The following PRKD2 variants were observed in gnomAD, a reference collection of about 807,000 sequenced individuals.
The protein encoded by PRKD2 is serine/threonine-protein kinase D2.
A neutral mutation model predicts 86.0 loss-of-function variants in PRKD2; 22 were observed. The ratio of observed to expected loss-of-function variants is 0.26; its 90% confidence interval spans 0.18 to 0.37. The LOEUF is 0.37. PRKD2 is among the 10% of genes least tolerant of loss of function. The probability of loss-of-function intolerance (pLI) is 1.00; values close to 1 mark genes in which losing one functional copy is unlikely to be tolerated. For missense variants in PRKD2, 818 were observed against 1,199.2 expected, an observed-to-expected ratio of 0.68 and a Z score of 4.70; for synonymous variants, 509 against 510.9, an observed-to-expected ratio of 1.00 and a Z score of 0.05.
intron 9 of PRKD2, among the ~76,000 whole-genome samples, chr19:46,695,809 G>A (rs1285416335): frequency 1.3e-5 from 2 of 152,038 alleles, no homozygotes; most frequent in Non-Finnish European, 2.9e-5. Flanking sequence ...GACACGTCGG[G>A]GGGGCATGGT....
rs761841448 is a variant in PRKD2 at position 46,678,577 on chromosome 19, T to G, written c.2157A>C (p.Ala719=). 2 of 1,614,072 alleles carry G rather than the reference T, an allele frequency of 1.2e-6. No homozygotes were observed. The highest frequency in any genetic ancestry group is 2.2e-5 in the South Asian group (2 of 91,084). ...AGCCCTGGTTGAGCAGCACCTCGGG[T>G]GCCAGGTAGGCCGGCGTGCCCACCA... is the stretch of plus-strand genomic sequence containing the variant. ...RSVVGTPAYL[A]PEVLLNQGYN... Residue 719 remains alanine, a synonymous_variant, in exon 16 of 18, where the codon GCA becomes GCC. Transcript: ENST00000291281. This position sits in a 1 kb window ranked among gnomAD's most constrained non-coding sequence, Gnocchi z 5.7.
At position 46,682,495 on chromosome 19, in the gene PRKD2, C is replaced by T. The variant is rs146576253; in HGVS notation, c.1972-747G>A. ...TTCCTACACACCCCTGCAGACACCC[C>T]AGCCAGGGAAACAGGAGGCACTGGA... On this transcript the variant is annotated intron_variant, in intron 14 of 17. Coordinates refer to ENST00000291281, the MANE Select transcript of PRKD2 (RefSeq NM_016457.5). 3.8e-3 allele frequency among the ~76,000 whole-genome samples: 577 copies of T among 152,186 alleles called. 4 individuals carry two copies. Among genetic ancestry groups the T allele is most frequent in the African/African-American group, 0.012 (516 of 41,526 alleles).
At position 46,697,220 on chromosome 19, in the gene PRKD2, A is replaced by G. The variant is rs781156292; in HGVS notation, c.1254T>C (p.Tyr418=). ...SNKDTLRKRH[Y]WRLDCKCITL... ...TGATACACTTGCAGTCCAGGCGCCAATAGTGCCGCTTTCTCTGCAGAGATG... is the reference window on the plus strand; with the variant it reads ...TGATACACTTGCAGTCCAGGCGCCAGTAGTGCCGCTTTCTCTGCAGAGATG... The change falls in exon 9 of 18, where the codon TAT becomes TAC. Residue 418 remains tyrosine (Y), a synonymous_variant. Coordinates refer to ENST00000291281, the MANE Select transcript of PRKD2 (RefSeq NM_016457.5). 8.8e-6 allele frequency: 14 copies of G among 1,593,446 alleles called. No homozygotes were observed. Among genetic ancestry groups the G allele is most frequent in the Admixed American group, 6.7e-5 (4 of 59,874 alleles).
intron 14 of PRKD2, among the ~76,000 whole-genome samples, chr19:46,686,419 C>G (rs1016821792): frequency 6.7e-6 from 1 of 148,582 alleles, no homozygotes; most frequent in African/African-American, 2.5e-5. Flanking sequence ...GAGGATCGCT[C>G]GAGCCCAGGA....
intron 7 of PRKD2, among the ~76,000 whole-genome samples, chr19:46,698,221 G>C (rs531128179): frequency 6.6e-6 from 1 of 152,112 alleles, no homozygotes; most frequent in East Asian, 1.9e-4. Flanking sequence ...CACCATGTTG[G>C]CCAGGCTGGT....
chr19:46,681,839 C>CTTTT (rs551472575), intron 14 of PRKD2, 91 bp from the exon 15 acceptor site: 15 of 486,112 alleles, frequency 3.1e-5, no homozygotes, highest in African/African-American at 8.7e-5. Context: ...CCCATCCATA[C>CTTTT]TTTTTTTTTT....
intron 12 of PRKD2, 74 bp downstream of exon 12, chr19:46,691,660 GA>G: frequency 6.8e-7 from 1 of 1,467,098 alleles, no homozygotes; most frequent in Non-Finnish European, 9.5e-7. Flanking sequence ...GTTGGAGCCA[GA>G]AAGAAAGGGC....
chr19:46,692,067 A>G, intron 10 of PRKD2, 82 bp from the exon 11 acceptor site: 1 of 1,379,226 alleles, frequency 7.3e-7, no homozygotes, highest in Non-Finnish European at 1.0e-6. Flanking sequence ...CAGACTTGGG[A>G]GTCAGGCCAC....
At chr19:46,714,072 C>G in intron 1 of PRKD2, 71 bp from the exon 2 acceptor site, 1 of 1,552,854 alleles carries the variant, frequency 6.4e-7, no homozygotes. Flanking sequence ...GGACTGTGAC[C>G]CTCCCAGGGC....
Position 46,678,442 on chromosome 19 carries a change from G to A in PRKD2, c.2292C>T (p.Ala764=), listed in dbSNP as rs753891237. 1.6e-4 allele frequency: 263 copies of A among 1,614,052 alleles called. No individual in the cohort carries two copies. The highest frequency in any genetic ancestry group is 1.4e-4 in the Non-Finnish European group (164 of 1,180,048). Residue 764 remains alanine, a synonymous_variant, in exon 16 of 18, where the codon GCC becomes GCT. Coordinates refer to ENST00000291281, the MANE Select transcript of PRKD2 (RefSeq NM_016457.5). This position sits in a 1 kb window ranked among gnomAD's most constrained non-coding sequence, Gnocchi z 5.7. ...DEDINDQIQN[A]AFMYPASPWS... The stretch of plus-strand genomic sequence containing the variant: ...AGGGGCTGGCCGGGTACATGAAGGC[G>A]GCGTTCTGGATCTGGTCATTGATGT...
chr19:46,702,060 A>G (rs1394751434), intron 5 of PRKD2, among the ~76,000 whole-genome samples: 1 of 145,370 alleles, frequency 6.9e-6, no homozygotes, highest in Non-Finnish European at 1.5e-5. Context: ...TTTTTTTAAG[A>G]AACAGTCTGG....
chr19:46,713,390 C>T (rs1240684574), intron 2 of PRKD2, among the ~76,000 whole-genome samples: 24 of 151,934 alleles, frequency 1.6e-4, no homozygotes, highest in Admixed American at 1.5e-3. Flanking sequence ...TTCTTCTCCT[C>T]TTTTCCCCCT....
Position 46,714,057 on chromosome 19 carries a change from C to T in PRKD2, c.241-56G>A, listed in dbSNP as rs534585602. On this transcript the variant is annotated intron_variant, in intron 1 of 17. Transcript: ENST00000291281. Reference sequence around the variant, plus strand: ...AAAAGCTCAGAGCCGCCTTCAGCAGCGGGCGGACTGTGACCCTCCCAGGGC... The same window carrying T: ...AAAAGCTCAGAGCCGCCTTCAGCAGTGGGCGGACTGTGACCCTCCCAGGGC... 5.5e-5 allele frequency: 87 copies of T among 1,589,290 alleles called. No homozygotes were observed. The South Asian group carries it at 9.8e-4, about 18-fold the overall frequency.
intron 14 of PRKD2, among the ~76,000 whole-genome samples, chr19:46,683,091 G>A (rs549888438): frequency 2.0e-5 from 3 of 151,324 alleles, no homozygotes; most frequent in Admixed American, 2.0e-4. Context: ...GGGGTTAAGT[G>A]ATCCTCCAGC....
In PRKD2 at chr19:46,716,065, C is replaced by T. The variant is rs1345262210; in HGVS notation, c.240+66G>A. On this transcript the variant is annotated intron_variant, in intron 1 of 17. Transcript: ENST00000291281. This position sits in a 1 kb window ranked among gnomAD's most constrained non-coding sequence, Gnocchi z 7.9. ...CCTCTTCCGCACACCAGGCCCCAGA[C>T]CCCTCTGCCAGCGCCCCCTCCTTCA... The T allele has an allele frequency of 2.5e-6, 4 of 1,583,710 alleles. No homozygotes were observed. The highest frequency in any genetic ancestry group is 3.4e-6 in the Non-Finnish European group (4 of 1,166,044).
chr19:46,716,560 A>T lies in PRKD2; in HGVS notation c.-190T>A, dbSNP rs1038820820. 1.7e-4 allele frequency: 75 copies of T among 448,830 alleles called. No individual in the cohort carries two copies. Among genetic ancestry groups the T allele is most frequent in the Non-Finnish European group, 2.4e-4 (62 of 255,610 alleles). 27.8% of individuals were successfully genotyped at this position (448,830 alleles called of 1,614,324 possible). A position where few individuals can be genotyped will look rare whatever the true frequency, so the allele number is the denominator to read the frequency against. On this transcript the variant is annotated 5_prime_UTR_variant, in exon 1 of 18. Coordinates refer to ENST00000291281, the MANE Select transcript of PRKD2 (RefSeq NM_016457.5). The surrounding 1 kb of genome is among the most constrained non-coding windows in gnomAD (Gnocchi z 7.9). ...CCTGGGAAGGAGAGAAAGGCACTAT[A>T]GTGGGTCAGAGGCCCGGAATCCAGG...
chr19:46,707,331 C>G (rs112417341), intron 3 of PRKD2, among the ~76,000 whole-genome samples: 3 of 152,040 alleles, frequency 2.0e-5, no homozygotes, highest in Non-Finnish European at 2.9e-5. Context: ...TGGGGCCCAG[C>G]GCAGTGGCTC....
chr19:46,715,210 G>C (rs2053867419), intron 1 of PRKD2, among the ~76,000 whole-genome samples: 1 of 152,118 alleles, frequency 6.6e-6, no homozygotes, highest in African/African-American at 2.4e-5. Context: ...TGTGCTCTTT[G>C]AATTCTTTAG....
chr19:46,681,604 T>TC, intron 15 of PRKD2, 46 bp downstream of exon 15: 1 of 252,152 alleles, frequency 4.0e-6, no homozygotes, highest in Non-Finnish European at 8.0e-6. Flanking sequence ...ACCCCGGCCA[T>TC]CAGTGTTGCC....
Sources: allele counts gnomAD v4.1 joint callset (sites outside exome capture counted in the v4.1 genomes callset), GRCh38; gene constraint gnomAD v4.1.1; non-coding constraint Gnocchi (gnomAD v3.1); transcripts MANE v1.5; gene names NCBI Gene and HGNC (gene_info 2026-07-23, HGNC 2026-07-21).